VPS37A: variants seen among roughly 807,000 people sequenced by gnomAD.
The protein encoded by VPS37A is vacuolar protein sorting-associated protein 37A.
Under a neutral mutation model 49.8 loss-of-function variants are expected in VPS37A, and 30 were observed. That is an observed-to-expected ratio of 0.60 (90% CI 0.45 to 0.82). The LOEUF (loss-of-function observed/expected upper bound fraction) is 0.82, where lower values mean the gene tolerates loss of function less well. Ranked by LOEUF, VPS37A falls within the 40% of genes least tolerant of loss-of-function variation. The probability of loss-of-function intolerance (pLI) is 0.00; values close to 1 mark genes in which losing one functional copy is unlikely to be tolerated. For missense variants in VPS37A, 593 were observed against 464.4 expected (o/e 1.28, Z -2.55); for synonymous variants, 195 against 160.6 (o/e 1.21, Z -1.62).
chr8:17,331,229 A>G, the VPS37A span: 1 of 1,612,568 alleles, frequency 6.2e-7, no homozygotes, highest in Non-Finnish European at 8.5e-7. Flanking sequence ...TATTGGAATA[A>G]TTGTCTTCAT....
the VPS37A span, among the ~76,000 whole-genome samples, chr8:17,319,090 C>T: frequency 2.4e-3 from 358 of 152,280 alleles, 1 homozygote; most frequent in Non-Finnish European, 4.2e-3. Context: ...TGAACTGAAC[C>T]ATACGTCTGA....
the VPS37A span, among the ~76,000 whole-genome samples, chr8:17,333,120 C>T: frequency 6.6e-6 from 1 of 152,172 alleles, no homozygotes; most frequent in Non-Finnish European, 1.5e-5. Context: ...TGCTCCATGA[C>T]GTGGCTTATG....
intron 1 of VPS37A, among the ~76,000 whole-genome samples, chr8:17,254,885 G>A (rs1158856757): frequency 6.6e-6 from 1 of 152,020 alleles, no homozygotes; most frequent in Non-Finnish European, 1.5e-5. Flanking sequence ...ATTTAGATAG[G>A]ATGTTTGTCT....
the VPS37A span, among the ~76,000 whole-genome samples, chr8:17,322,471 C>T: frequency 2.6e-5 from 4 of 152,072 alleles, no homozygotes; most frequent in African/African-American, 7.2e-5. Flanking sequence ...AGGTTTAACA[C>T]GTGGTAAGGA....
chr8:17,261,438 T>A (rs1311304313), intron 1 of VPS37A, among the ~76,000 whole-genome samples: 1 of 152,250 alleles, frequency 6.6e-6, no homozygotes, highest in East Asian at 1.9e-4. Context: ...TTCAGAGAGC[T>A]TACATATTAT....
chr8:17,312,944 A>T, the VPS37A span, among the ~76,000 whole-genome samples: 11 of 152,236 alleles, frequency 7.2e-5, no homozygotes, highest in African/African-American at 2.7e-4. Context: ...CCATGACTAA[A>T]AAGAAGGCTC....
At chr8:17,311,912 G>A in the VPS37A span, 1,065 of 338,242 alleles carry the variant, frequency 3.1e-3, 13 homozygotes, top group African/African-American at 0.02. Context: ...TTCGTCCTAT[G>A]CAAACGGACC....
intron 1 of VPS37A, among the ~76,000 whole-genome samples, chr8:17,258,845 G>T (rs186709960): frequency 3.3e-5 from 5 of 152,106 alleles, no homozygotes; most frequent in African/African-American, 1.2e-4. Context: ...TTAGTAGGTT[G>T]TATATGTCCG....
At chr8:17,320,956 T>C in the VPS37A span, among the ~76,000 whole-genome samples, 26 of 152,224 alleles carry the variant, frequency 1.7e-4, no homozygotes, top group Admixed American at 4.6e-4. Flanking sequence ...CAGGATGCAA[T>C]TGATTCCTCC....
chr8:17,260,933 A>G (rs903037655), intron 1 of VPS37A, among the ~76,000 whole-genome samples: 4 of 152,134 alleles, frequency 2.6e-5, no homozygotes, highest in African/African-American at 7.2e-5. Flanking sequence ...TTTGATGATT[A>G]TATGCCTAGG....
chr8:17,247,421 G>GGCCCC, intron 1 of VPS37A, 52 bp downstream of exon 1: 1 of 163,976 alleles, frequency 6.1e-6, no homozygotes, highest in South Asian at 5.2e-5. Context: ...GGGAGGGCGG[G>GGCCCC]CTTGTCCTAA....
At position 17,256,290 on chromosome 8, in the gene VPS37A, A is replaced by ATTTTTTTTTTT. The variant is rs529736602; in HGVS notation, c.125+8939_125+8949dup. The stretch of plus-strand genomic sequence containing the variant: ...AAGTCTTTTTAGCTGGGGTAAAATG[A>ATTTTTTTTTTT]TTTTTTTTTTTTTTTTTTTTTTTTT... On this transcript the variant is annotated intron_variant, in intron 1 of 11. Transcript: ENST00000324849. Among the ~76,000 whole-genome samples, 27 of 60,404 alleles carry ATTTTTTTTTTT rather than the reference A, an allele frequency of 4.5e-4. 4 individuals carry two copies. The highest frequency in any genetic ancestry group is 2.0e-3 in the African/African-American group (27 of 13,740). 39.6% of individuals were successfully genotyped at this position (60,404 alleles called of 152,430 possible).
chr8:17,283,893 T>C (rs563193047), intron 9 of VPS37A, among the ~76,000 whole-genome samples: 4 of 152,324 alleles, frequency 2.6e-5, no homozygotes, highest in East Asian at 1.9e-4. Context: ...AGGGATTGCA[T>C]TGAGTCTATA....
At position 17,292,631 on chromosome 8, in the gene VPS37A, A is replaced by G. The variant is rs191748842; in HGVS notation, c.*1-2356A>G. Among the ~76,000 whole-genome samples, 742 of 152,304 alleles carry G rather than the reference A, an allele frequency of 4.9e-3. 9 individuals are homozygous for G. The highest frequency in any genetic ancestry group is 0.017 in the African/African-American group (701 of 41,576). Reference sequence around the variant, plus strand: ...CCTTTCCATGTTTAGTGCTTCCTTCAGGAGCTCTTGTAAGGCAGTCCTCGT... The same window carrying G: ...CCTTTCCATGTTTAGTGCTTCCTTCGGGAGCTCTTGTAAGGCAGTCCTCGT... On this transcript the variant is annotated intron_variant, in intron 11 of 11. Coordinates refer to ENST00000324849, the MANE Select transcript of VPS37A (RefSeq NM_152415.3).
chr8:17,294,831 CT>C (rs985249676), intron 11 of VPS37A, among the ~76,000 whole-genome samples, 155 bp from the exon 12 acceptor site: 1 of 152,216 alleles, frequency 6.6e-6, no homozygotes, highest in African/African-American at 2.4e-5. Context: ...CCTGCCTTCT[CT>C]GTTGGTCTCC....
At chr8:17,256,241 C>A (rs190019159) in intron 1 of VPS37A, among the ~76,000 whole-genome samples, 3 of 137,308 alleles carry the variant, frequency 2.2e-5, no homozygotes, top group Admixed American at 1.5e-4. Context: ...TGCCAGCATT[C>A]GTTATTGCCT....
At chr8:17,276,500 CTATTT>C in intron 6 of VPS37A, 33 bp downstream of exon 6, 2 of 1,577,450 alleles carry the variant, frequency 1.3e-6, no homozygotes, top group Non-Finnish European at 1.7e-6. Context: ...GTCACATTGT[CTATTT>C]TATTTGTAAG....
Position 17,268,920 on chromosome 8 carries a change from C to G in VPS37A, c.380C>G (p.Pro127Arg). Residue 127 changes from proline (P) to arginine (R), a missense_variant, in exon 4 of 12, where the codon CCT (proline) becomes CGT (arginine). Pro to Arg is a moderately radical substitution (Grantham distance 103). Transcript: ENST00000324849. ...QSLLDEFWKN[P>R]PVLAPTSTAF... ...CTGTTGGATGAGTTTTGGAAGAATC[C>G]TCCAGTTTTAGCTCCTACTTCAACA... 6.2e-7 allele frequency: 1 copy of G among 1,610,040 alleles called. No homozygotes were observed. The highest frequency in any genetic ancestry group is 8.5e-7 in the Non-Finnish European group (1 of 1,179,084).
At chr8:17,329,924 G>C in the VPS37A span, among the ~76,000 whole-genome samples, 140 of 152,268 alleles carry the variant, frequency 9.2e-4, no homozygotes, top group Middle Eastern at 3.4e-3. Context: ...AAATGGCTCT[G>C]GGGCTGAGAT....
Sources: gnomAD v4.1 joint callset for allele counts (sites outside exome capture counted in the v4.1 genomes callset) on GRCh38, gnomAD v4.1.1 for gene constraint, MANE v1.5 for transcripts, NCBI Gene and HGNC (gene_info 2026-07-23, HGNC 2026-07-21) for gene names.